The following PTPRT variants were observed in gnomAD, a reference collection of about 807,000 sequenced individuals.
PTPRT encodes receptor-type tyrosine-protein phosphatase T.
Under a neutral mutation model 176.8 loss-of-function variants are expected in PTPRT, and 56 were observed. That is an observed-to-expected ratio of 0.32 (90% CI 0.26 to 0.40). PTPRT has a LOEUF of 0.40. PTPRT is among the 10% of genes least tolerant of loss of function. The pLI, the probability that PTPRT is intolerant of heterozygous loss-of-function variation, is 1.00. For missense variants in PTPRT, 1,540 were observed against 1,908.2 expected (o/e 0.81, Z 3.60); for synonymous variants, 783 against 739.0 (o/e 1.06, Z -0.96).
chr20:42,449,354 C>T lies in PTPRT; in HGVS notation c.1451-1025G>A, dbSNP rs1255295796. ...GCCGGTCAGTCTTCCTGCCAGCATC[C>T]TCCTGCTGGATTTCACTATTCTTAC... On this transcript the variant is annotated intron_variant, in intron 8 of 30. Transcript: ENST00000373187. 9.2e-5 allele frequency among the ~76,000 whole-genome samples: 14 copies of T among 152,302 alleles called. No individual in the cohort carries two copies. The South Asian group carries it at 2.5e-3, about 27-fold the overall frequency.
intron 1 of PTPRT, among the ~76,000 whole-genome samples, chr20:42,898,520 T>C (rs890730928): frequency 1.3e-5 from 2 of 152,128 alleles, no homozygotes; most frequent in Admixed American, 6.5e-5. Context: ...TCCTTTGACT[T>C]CTGACATCCT....
At chr20:42,818,082 G>C (rs998094961) in intron 2 of PTPRT, among the ~76,000 whole-genome samples, 1 of 152,054 alleles carries the variant, frequency 6.6e-6, no homozygotes, top group Non-Finnish European at 1.5e-5. Context: ...CCTCCAACAG[G>C]GGTTGTCAGA....
At chr20:42,388,913 G>A (rs1267826041) in intron 9 of PTPRT, among the ~76,000 whole-genome samples, 1 of 152,102 alleles carries the variant, frequency 6.6e-6, no homozygotes, top group Non-Finnish European at 1.5e-5. Flanking sequence ...AAGAAAATGT[G>A]GCACATAATA....
the PTPRT span, among the ~76,000 whole-genome samples, chr20:42,036,515 G>C: frequency 6.6e-6 from 1 of 152,152 alleles, no homozygotes; most frequent in South Asian, 2.1e-4. Flanking sequence ...GGGTGTGTCT[G>C]ATTCCACAGT....
chr20:42,236,316 G>C, intron 14 of PTPRT, 58 bp from the exon 15 acceptor site: 1 of 1,343,240 alleles, frequency 7.4e-7, no homozygotes, highest in Non-Finnish European at 1.1e-6. Context: ...AAAAAGAAAA[G>C]ACAAACAAAC....
intron 15 of PTPRT, among the ~76,000 whole-genome samples, chr20:42,200,061 T>TAC (rs3086759): frequency 0.035 from 4,933 of 140,526 alleles, 218 homozygotes; most frequent in African/African-American, 0.12. Context: ...CACAAAAAAA[T>TAC]ACACACACAC....
At chr20:42,957,334 C>T (rs1476834069) in intron 1 of PTPRT, among the ~76,000 whole-genome samples, 2 of 152,164 alleles carry the variant, frequency 1.3e-5, no homozygotes, top group African/African-American at 2.4e-5. Flanking sequence ...AGATTTCCTG[C>T]ATATGGAAGG....
chr20:42,990,930 G>C (rs1295101905), intron 1 of PTPRT, among the ~76,000 whole-genome samples: 1 of 152,130 alleles, frequency 6.6e-6, no homozygotes, highest in African/African-American at 2.4e-5. Flanking sequence ...ATCAGAAAGA[G>C]TTTTTGTTAT....
chr20:42,462,823 G>C (rs2071042688), intron 8 of PTPRT, among the ~76,000 whole-genome samples: 1 of 152,128 alleles, frequency 6.6e-6, no homozygotes, highest in Non-Finnish European at 1.5e-5. Flanking sequence ...TAAGTTAAGG[G>C]CTTTACACAG....
At position 42,791,231 on chromosome 20, in the gene PTPRT, C is replaced by T. The variant is rs777874827; in HGVS notation, c.450G>A (p.Glu150=). Residue 150 remains glutamate, a synonymous_variant, in exon 3 of 31, where the codon GAG becomes GAA. Transcript: ENST00000373187. ...GVVTEGWVKA[E]LAISTFWPHF... ...GTGGCCAGAAAGTGCTGATGGCGAG[C>T]TCTGCCTTCACCCAGCCCTCAGTGA... is the stretch of plus-strand genomic sequence containing the variant. 1 of 1,603,158 alleles carries T rather than the reference C, an allele frequency of 6.2e-7. No individual in the cohort carries two copies. Among genetic ancestry groups the T allele is most frequent in the Admixed American group, 1.7e-5 (1 of 58,922 alleles).
intron 27 of PTPRT, among the ~76,000 whole-genome samples, chr20:42,088,853 C>A (rs1409573757): frequency 6.6e-6 from 1 of 152,104 alleles, no homozygotes; most frequent in African/African-American, 2.4e-5. Context: ...GTAAATAAAC[C>A]CTTACCACAG....
At chr20:42,066,600 T>C in the PTPRT span, among the ~76,000 whole-genome samples, 1 of 152,220 alleles carries the variant, frequency 6.6e-6, no homozygotes, top group Non-Finnish European at 1.5e-5. Context: ...TCGATCCAGC[T>C]CACTCATGAA....
At chr20:42,173,908 TA>T (rs1248036675) in intron 16 of PTPRT, among the ~76,000 whole-genome samples, 2 of 152,292 alleles carry the variant, frequency 1.3e-5, no homozygotes, top group African/African-American at 4.8e-5. Flanking sequence ...ATAATGGCCT[TA>T]AAAAATGCTG....
intron 7 of PTPRT, among the ~76,000 whole-genome samples, chr20:42,594,422 T>C (rs1883842): frequency 1.3e-5 from 2 of 152,198 alleles, no homozygotes; most frequent in Non-Finnish European, 1.5e-5. Context: ...CACTTTGTAA[T>C]GTTCGTTCTC....
intron 12 of PTPRT, among the ~76,000 whole-genome samples, chr20:42,298,867 A>G (rs1291737307): frequency 1.3e-5 from 2 of 152,128 alleles, no homozygotes; most frequent in African/African-American, 4.8e-5. Context: ...GTTGCAGTTG[A>G]GCCAAGATCA....
At chr20:42,414,129 G>T (rs916280256) in intron 9 of PTPRT, among the ~76,000 whole-genome samples, 2 of 151,062 alleles carry the variant, frequency 1.3e-5, no homozygotes, top group African/African-American at 4.8e-5. Context: ...ACTGTGCCCG[G>T]CCAAGACTTT....
rs1431106649 is a variant in PTPRT at position 42,350,631 on chromosome 20, A to G, written c.1862T>C (p.Val621Ala). Residue 621 changes from valine (V) to alanine (A), a missense_variant, in exon 11 of 31, where the codon GTC becomes GCC. Physicochemically the swap from Val to Ala is moderately conservative, Grantham distance 64. Around this residue, in one of 11 missense-constraint regions of PTPRT, gnomAD observed 81 missense variants for 89.9 expected, o/e 0.90. Coordinates refer to ENST00000373187, the MANE Select transcript of PTPRT (RefSeq NM_007050.6). ...CCAAGTGAAGAACCATCCTCACCTG[A>G]CAGGAGCTCCCCGGGACTGAGCGGG... is the stretch of plus-strand genomic sequence containing the variant. Reference protein sequence around the residue: ...LKPAQSRGAPVSVYQLVVKEE... With the variant: ...LKPAQSRGAPASVYQLVVKEE... 1 of 1,604,156 alleles carries G rather than the reference A, an allele frequency of 6.2e-7. No homozygotes were observed. Among genetic ancestry groups the G allele is most frequent in the Non-Finnish European group, 8.5e-7 (1 of 1,170,946 alleles).
chr20:42,139,344 G>C (rs189540041), intron 18 of PTPRT, among the ~76,000 whole-genome samples: 1 of 152,306 alleles, frequency 6.6e-6, no homozygotes, highest in East Asian at 1.9e-4. Flanking sequence ...CTCCATTTGG[G>C]TTCCTCAGAA....
chr20:42,684,475 CA>C (rs112430557), intron 6 of PTPRT, among the ~76,000 whole-genome samples: 39 of 152,132 alleles, frequency 2.6e-4, no homozygotes, highest in African/African-American at 8.9e-4. Context: ...TTGAGGGTGG[CA>C]ACAAAGAGAT....
Sources: allele counts gnomAD v4.1 joint callset (sites outside exome capture counted in the v4.1 genomes callset), GRCh38; gene constraint gnomAD v4.1.1; regional missense constraint gnomAD v4.1.1; transcripts MANE v1.5; gene names NCBI Gene and HGNC (gene_info 2026-07-23, HGNC 2026-07-21).